ST3GAL1: variants seen among roughly 807,000 people sequenced by gnomAD.
The protein encoded by ST3GAL1 is ST3 beta-galactoside alpha-2,3-sialyltransferase 1, also known as CMP-N-acetylneuraminate-beta-galactosamide-alpha-2,3-sialyltransferase 1.
ST3GAL1 carries 16 observed loss-of-function variants against 34.1 expected under a neutral mutation model. The observed-to-expected ratio is 0.47, with a 90% CI of 0.32 to 0.71. The LOEUF is 0.71. Among genes scored for constraint, ST3GAL1 ranks in the 30% least tolerant of loss-of-function variants. The probability of loss-of-function intolerance (pLI) is 0.04; values close to 1 mark genes in which losing one functional copy is unlikely to be tolerated. For synonymous variants in ST3GAL1, 191 were observed against 184.7 expected (o/e 1.03, Z -0.28); for missense variants, 353 against 447.4 (o/e 0.79, Z 1.90).
chr8:133,554,443 G>A (rs62518380), intron 1 of ST3GAL1, among the ~76,000 whole-genome samples: 28,654 of 152,098 alleles, frequency 0.19, 2,842 homozygotes, highest in South Asian at 0.32. Context: ...TAGGGGTGTA[G>A]GCAGATGAAG....
chr8:133,520,083 G>A (rs778603316), intron 2 of ST3GAL1, among the ~76,000 whole-genome samples: 1 of 152,156 alleles, frequency 6.6e-6, no homozygotes, highest in Non-Finnish European at 1.5e-5. Context: ...TTCAGCCCAC[G>A]CATATTTACT....
At chr8:133,566,675 C>A (rs548861959) in intron 1 of ST3GAL1, among the ~76,000 whole-genome samples, 2 of 152,328 alleles carry the variant, frequency 1.3e-5, no homozygotes, top group East Asian at 3.9e-4. Flanking sequence ...ACCTGCCATG[C>A]CACCCTCCCA....
intron 1 of ST3GAL1, among the ~76,000 whole-genome samples, chr8:133,562,175 G>A (rs1420683770): frequency 6.6e-6 from 1 of 151,134 alleles, no homozygotes; most frequent in African/African-American, 2.4e-5. Flanking sequence ...TGTGACCTTG[G>A]CCAGTAAGTC....
chr8:133,495,058 A>G (rs1383273137), intron 3 of ST3GAL1, among the ~76,000 whole-genome samples: 1 of 151,634 alleles, frequency 6.6e-6, no homozygotes, highest in Admixed American at 6.6e-5. Context: ...AGCTGGGACT[A>G]CAGGTGTGTG....
rs1816190262 is a variant in ST3GAL1 at position 133,476,615 on chromosome 8, A to T, written c.-373-15T>A. ...TTGTCTGTCATCTGCAAAGAAAAGG[A>T]GGAAGAAAACAGCGTGAGATTCTGT... On this transcript the variant is annotated splice_polypyrimidine_tract_variant and intron_variant, in intron 3 of 9. Transcript: ENST00000522652. The T allele has an allele frequency of 6.6e-6, 1 of 152,264 alleles. No individual in the cohort carries two copies. The highest frequency in any genetic ancestry group is 1.5e-5 in the Non-Finnish European group (1 of 68,076). 9.4% of individuals were successfully genotyped at this position (152,264 alleles called of 1,614,324 possible). A position where few individuals can be genotyped will look rare whatever the true frequency, so the allele number is the denominator to read the frequency against.
intron 2 of ST3GAL1, among the ~76,000 whole-genome samples, chr8:133,529,688 C>A (rs891473200): frequency 6.6e-6 from 1 of 152,166 alleles, no homozygotes; most frequent in Admixed American, 6.5e-5. Context: ...TCAACAAGAA[C>A]CCCTCTGGTC....
Position 133,564,760 on chromosome 8 carries a change from C to G in ST3GAL1, c.-582+6933G>C, listed in dbSNP as rs546428672. Among the ~76,000 whole-genome samples the G allele has an allele frequency of 3.4e-3, 514 of 152,308 alleles. 3 individuals are homozygous for G. The highest frequency in any genetic ancestry group is 0.012 in the African/African-American group (487 of 41,562). On this transcript the variant is annotated intron_variant, in intron 1 of 9. Transcript: ENST00000522652. ...TGTTGAGAGACCTTTACTGAATAAA[C>G]TTGTTTAGTTTTCACATCAACTGTA...
rs1178013370 is a variant in ST3GAL1 at position 133,463,441 on chromosome 8, A to G, written c.702T>C (p.Pro234=). The change falls in exon 8 of 10, where the codon CCT becomes CCC. Residue 234 remains proline (P), a synonymous_variant. Transcript: ENST00000522652. ...TATCCTGTTTCACTCTGATCTTTGC[A>G]GGAACCGGGATGTAGGTGCTGCAGT... ...GTISHTYIPV[P]AKIRVKQDKI... 1.2e-6 allele frequency: 2 copies of G among 1,613,978 alleles called. No homozygotes were observed. Among genetic ancestry groups the G allele is most frequent in the African/African-American group, 1.3e-5 (1 of 75,046 alleles).
chr8:133,460,668 A>G (rs1815463937), intron 9 of ST3GAL1, among the ~76,000 whole-genome samples: 1 of 152,172 alleles, frequency 6.6e-6, no homozygotes, highest in Non-Finnish European at 1.5e-5. Flanking sequence ...TCTTGGAGTC[A>G]CTGACTGAGT....
At chr8:133,533,710 C>T (rs1818223335) in intron 2 of ST3GAL1, among the ~76,000 whole-genome samples, 1 of 152,214 alleles carries the variant, frequency 6.6e-6, no homozygotes, top group Non-Finnish European at 1.5e-5. Flanking sequence ...CCCCCATCTC[C>T]ATCTCCCTTC....
intron 6 of ST3GAL1, among the ~76,000 whole-genome samples, chr8:133,465,166 A>G (rs1815688799): frequency 6.6e-6 from 1 of 152,138 alleles, no homozygotes; most frequent in African/African-American, 2.4e-5. Flanking sequence ...ACCTCAAGGG[A>G]GTCTAGCCAT....
At chr8:133,479,512 C>A (rs1816305110) in intron 3 of ST3GAL1, among the ~76,000 whole-genome samples, 1 of 152,202 alleles carries the variant, frequency 6.6e-6, no homozygotes, top group Non-Finnish European at 1.5e-5. Context: ...CTAGGACACC[C>A]TTGCCCTTAG....
At position 133,467,370 on chromosome 8, in the gene ST3GAL1, C is replaced by T. The variant is rs1035320493; in HGVS notation, c.307-1280G>A. Among the ~76,000 whole-genome samples the T allele has an allele frequency of 2.6e-5, 4 of 152,224 alleles. No homozygotes were observed. The highest frequency in any genetic ancestry group is 9.6e-5 in the African/African-American group (4 of 41,462). On this transcript the variant is annotated intron_variant, in intron 5 of 9. Coordinates refer to ENST00000522652, the MANE Select transcript of ST3GAL1 (RefSeq NM_173344.3). This position sits in a 1 kb window ranked among gnomAD's most constrained non-coding sequence, Gnocchi z 4.2. ...TGCCTGTTGGTGCCTCAGCCTTCCT[C>T]ACTCGTGGTAAACCCTGGAGAGATT...
intron 2 of ST3GAL1, among the ~76,000 whole-genome samples, chr8:133,525,268 AG>A (rs1366921407): frequency 1.3e-5 from 2 of 152,202 alleles, no homozygotes; most frequent in Non-Finnish European, 2.9e-5. Flanking sequence ...TTCTGCAGTT[AG>A]GTCATCCCAA....
intron 2 of ST3GAL1, among the ~76,000 whole-genome samples, chr8:133,531,258 C>G (rs1339257229): frequency 1.3e-5 from 2 of 151,998 alleles, no homozygotes; most frequent in Admixed American, 6.6e-5. Context: ...ATAGTACACA[C>G]ACATATATAC....
chr8:133,532,011 G>T (rs889467093), intron 2 of ST3GAL1, among the ~76,000 whole-genome samples: 7 of 152,126 alleles, frequency 4.6e-5, no homozygotes, highest in Non-Finnish European at 4.4e-5. Context: ...GAGCTCCCCA[G>T]AGACAAATGA....
At chr8:133,460,038 A>T (rs1356762908) in intron 9 of ST3GAL1, 101 bp from the exon 10 acceptor site, 2 of 1,299,868 alleles carry the variant, frequency 1.5e-6, no homozygotes, top group Non-Finnish European at 2.1e-6. Flanking sequence ...ACAGGACCAT[A>T]AACAGCATTT....
intron 2 of ST3GAL1, among the ~76,000 whole-genome samples, chr8:133,503,664 G>A (rs966834356): frequency 1.3e-5 from 2 of 152,072 alleles, no homozygotes; most frequent in Non-Finnish European, 2.9e-5. Context: ...CAAGTACGTC[G>A]CAGCTCCACC....
At chr8:133,530,425 G>A (rs1015051371) in intron 2 of ST3GAL1, among the ~76,000 whole-genome samples, 2 of 152,120 alleles carry the variant, frequency 1.3e-5, no homozygotes, top group African/African-American at 4.8e-5. Context: ...TGGATTAAAG[G>A]CATGTGCCAC....
Sources: gnomAD v4.1 joint callset for allele counts (sites outside exome capture counted in the v4.1 genomes callset) on GRCh38, gnomAD v4.1.1 for gene constraint, Gnocchi (gnomAD v3.1) non-coding constraint, MANE v1.5 for transcripts, NCBI Gene and HGNC (gene_info 2026-07-23, HGNC 2026-07-21) for gene names.